The following DSCAML1 variants were observed in gnomAD, a reference collection of about 807,000 sequenced individuals.
DSCAML1 encodes the protein DS cell adhesion molecule like 1.
DSCAML1 carries 38 observed loss-of-function variants against 200.5 expected under a neutral mutation model. The observed-to-expected ratio is 0.19, with a 90% CI of 0.15 to 0.25. DSCAML1 has a LOEUF of 0.25. Ranked by LOEUF, DSCAML1 falls within the 10% of genes least tolerant of loss-of-function variation. The pLI, the probability that DSCAML1 is intolerant of heterozygous loss-of-function variation, is 1.00. For missense variants in DSCAML1, 2,223 were observed against 2,858.8 expected, an observed-to-expected ratio of 0.78 and a Z score of 5.07; for synonymous variants, 1,215 against 1,165.0, an observed-to-expected ratio of 1.04 and a Z score of -0.87.
intron 3 of DSCAML1, among the ~76,000 whole-genome samples, chr11:117,628,512 C>T (rs2052102974): frequency 6.6e-6 from 1 of 152,214 alleles, no homozygotes; most frequent in Non-Finnish European, 1.5e-5. Flanking sequence ...ACTTCCAGCC[C>T]AGTCAATTCC....
chr11:117,723,547 T>C (rs553146771), intron 3 of DSCAML1, among the ~76,000 whole-genome samples: 1 of 152,352 alleles, frequency 6.6e-6, no homozygotes, highest in South Asian at 2.1e-4. Context: ...CATGACTAGT[T>C]TACAGTGAAC....
intron 3 of DSCAML1, among the ~76,000 whole-genome samples, chr11:117,572,196 C>G (rs905589147): frequency 6.6e-6 from 1 of 152,178 alleles, no homozygotes; most frequent in South Asian, 2.1e-4. Flanking sequence ...ATCCAAGAAC[C>G]CTCTCTTGGG....
At chr11:117,539,966 C>T (rs761253365) in intron 3 of DSCAML1, among the ~76,000 whole-genome samples, 12 of 152,172 alleles carry the variant, frequency 7.9e-5, no homozygotes, top group Non-Finnish European at 1.8e-4. Flanking sequence ...AATTTGGGCA[C>T]GTGCTTCAAC....
At chr11:117,680,920 C>A in intron 3 of DSCAML1, among the ~76,000 whole-genome samples, 1 of 152,128 alleles carries the variant, frequency 6.6e-6, no homozygotes, top group Non-Finnish European at 1.5e-5. Flanking sequence ...AAGCACAGAG[C>A]CTGACGAGGT....
rs79251136 is a variant in DSCAML1, at chr11:117,628,444, A to G, written c.512-95922T>C. Among the ~76,000 whole-genome samples, 1,004 of 152,366 alleles carry G rather than the reference A, an allele frequency of 6.6e-3. 11 individuals carry two copies. Among genetic ancestry groups the G allele is most frequent in the African/African-American group, 0.021 (870 of 41,582 alleles). On this transcript the variant is annotated intron_variant, in intron 3 of 32. Transcript: ENST00000651296. ...TCGTGCAGGGAGAAGCACCAGTTTC[A>G]GTCACGTGCAAAATGTAAAATCCTT...
intron 3 of DSCAML1, among the ~76,000 whole-genome samples, chr11:117,696,986 C>G (rs1304984661): frequency 6.6e-6 from 1 of 152,232 alleles, no homozygotes; most frequent in African/African-American, 2.4e-5. Flanking sequence ...AATATGGGAG[C>G]TAACATTTAA....
At chr11:117,543,808 T>TG (rs139473162) in intron 3 of DSCAML1, among the ~76,000 whole-genome samples, 41,127 of 151,448 alleles carry the variant, frequency 0.27, 6,042 homozygotes, top group African/African-American at 0.37. Flanking sequence ...GCAGTTTTTT[T>TG]TTTGTTTGTT....
At chr11:117,574,218 C>G (rs933100486) in intron 3 of DSCAML1, among the ~76,000 whole-genome samples, 3 of 152,196 alleles carry the variant, frequency 2.0e-5, no homozygotes, top group African/African-American at 7.2e-5. Flanking sequence ...TTGGGCAAAA[C>G]CTACCCATTT....
At chr11:117,634,637 A>T (rs376179038) in intron 3 of DSCAML1, among the ~76,000 whole-genome samples, 2 of 152,098 alleles carry the variant, frequency 1.3e-5, no homozygotes, top group African/African-American at 4.8e-5. Flanking sequence ...ACAGTAGCTG[A>T]TCCACAGGCT....
At position 117,518,844 on chromosome 11, in the gene DSCAML1, G is replaced by C. The variant is rs1179256091; in HGVS notation, c.1214-82C>G. The C allele has an allele frequency of 1.4e-6, 2 of 1,463,888 alleles. No individual in the cohort carries two copies. The highest frequency in any genetic ancestry group is 4.8e-5 in the East Asian group (2 of 41,898). 90.7% of individuals were successfully genotyped at this position (1,463,888 alleles called of 1,614,324 possible). On this transcript the variant is annotated intron_variant, in intron 6 of 32. Coordinates refer to ENST00000651296, the MANE Select transcript of DSCAML1 (RefSeq NM_020693.4). This position sits in a 1 kb window ranked among gnomAD's most constrained non-coding sequence, Gnocchi z 6.3. ...CCAGCCACCCCACCTCAGCAGGGGA[G>C]GAGGCAAAAAGCAGCCATAAGAGCA...
chr11:117,515,781 C>T (rs1161988426), intron 8 of DSCAML1, among the ~76,000 whole-genome samples: 2 of 151,864 alleles, frequency 1.3e-5, no homozygotes, highest in Admixed American at 6.6e-5. Context: ...CCACCACGCC[C>T]GGCTAATTTT....
At chr11:117,706,372 C>T (rs1057140400) in intron 3 of DSCAML1, among the ~76,000 whole-genome samples, 4 of 152,182 alleles carry the variant, frequency 2.6e-5, no homozygotes, top group African/African-American at 9.7e-5. Context: ...GTACAGAGAT[C>T]GTAGTTCAGA....
intron 3 of DSCAML1, among the ~76,000 whole-genome samples, chr11:117,559,306 G>GA (rs1211955756): frequency 6.6e-6 from 1 of 152,172 alleles, no homozygotes; most frequent in Non-Finnish European, 1.5e-5. Context: ...GGGGACTGGG[G>GA]AGAGTCATGC....
intron 3 of DSCAML1, among the ~76,000 whole-genome samples, chr11:117,730,590 C>G (rs1007273736): frequency 2.6e-5 from 4 of 152,106 alleles, no homozygotes; most frequent in African/African-American, 9.7e-5. Flanking sequence ...AAACTGGGAC[C>G]CTTATACCCT....
chr11:117,523,042 G>A (rs144884221), intron 5 of DSCAML1, among the ~76,000 whole-genome samples: 1 of 152,212 alleles, frequency 6.6e-6, no homozygotes, highest in East Asian at 1.9e-4. Context: ...CTTGGATATG[G>A]GCATGTTCCT....
At chr11:117,602,059 A>G (rs747413684) in intron 3 of DSCAML1, among the ~76,000 whole-genome samples, 3 of 152,248 alleles carry the variant, frequency 2.0e-5, no homozygotes, top group Non-Finnish European at 2.9e-5. Context: ...TTCTCTTGGC[A>G]TTGCATGTCT....
chr11:117,455,025 G>A (rs936686010), intron 19 of DSCAML1, among the ~76,000 whole-genome samples: 1 of 152,154 alleles, frequency 6.6e-6, no homozygotes, highest in Non-Finnish European at 1.5e-5. Flanking sequence ...CCCTAGGGGA[G>A]GAGCTGTTCC....
intron 3 of DSCAML1, among the ~76,000 whole-genome samples, chr11:117,537,236 G>A (rs1359496518): frequency 1.3e-5 from 2 of 152,238 alleles, no homozygotes; most frequent in Non-Finnish European, 2.9e-5. Context: ...CAGTTTGGCT[G>A]AATCTATCAC....
At chr11:117,467,699 C>G (rs1360845241) in intron 16 of DSCAML1, among the ~76,000 whole-genome samples, 3 of 152,108 alleles carry the variant, frequency 2.0e-5, no homozygotes, top group African/African-American at 7.2e-5. Context: ...GGCAGTTCTG[C>G]TTGCTGCTCT....
Sources: gnomAD v4.1 joint callset for allele counts (sites outside exome capture counted in the v4.1 genomes callset) on GRCh38, gnomAD v4.1.1 for gene constraint, Gnocchi (gnomAD v3.1) non-coding constraint, MANE v1.5 for transcripts, NCBI Gene and HGNC (gene_info 2026-07-23, HGNC 2026-07-21) for gene names.